Variants in NLRP14 observed in about 807,000 individuals in gnomAD.
NLRP14 encodes NACHT, LRR and PYD domains-containing protein 14.
In NLRP14, 105 loss-of-function variants were observed where a neutral mutation model predicts 94.7. That is an observed-to-expected ratio of 1.11 (90% confidence interval 0.95 to 1.30). The LOEUF (loss-of-function observed/expected upper bound fraction) is 1.30. Among genes scored for constraint, NLRP14 ranks in the 50% most tolerant of loss-of-function variants. The pLI is 0.00. For synonymous variants in NLRP14, 508 were observed against 459.9 expected, an observed-to-expected ratio of 1.10 and a Z score of -1.34; for missense variants, 1,362 against 1,254.1, an observed-to-expected ratio of 1.09 and a Z score of -1.30.
chr11:7,050,078 C>T (rs557905243), intron 6 of NLRP14, among the ~76,000 whole-genome samples: 13 of 151,426 alleles, frequency 8.6e-5, no homozygotes, highest in African/African-American at 3.2e-4. Context: ...TCTCCTAAAT[C>T]TGCTGGTGGT....
chr11:7,088,276 ATT>A, the NLRP14 span, among the ~76,000 whole-genome samples: 3 of 152,328 alleles, frequency 2.0e-5, no homozygotes, highest in South Asian at 6.2e-4. Flanking sequence ...ATGTTTGAAA[ATT>A]TACAAACATA....
rs986948873 is a variant in NLRP14, at chr11:7,047,469, A to T, written c.2123+637A>T. ...CAGGCATGTACCACCATGCCAGGCT[A>T]TTTTTTTTTAATTTTTTGTAGAGAT... On this transcript the variant is annotated intron_variant, in intron 5 of 11. Coordinates refer to ENST00000299481, the MANE Select transcript of NLRP14 (RefSeq NM_176822.4). Among the ~76,000 whole-genome samples, 39 of 150,688 alleles carry T rather than the reference A, an allele frequency of 2.6e-4. 1 individual carries two copies. The highest frequency in any genetic ancestry group is 8.8e-4 in the African/African-American group (36 of 41,074).
chr11:7,067,518 T>A (rs10769761), intron 10 of NLRP14, among the ~76,000 whole-genome samples: 2 of 151,904 alleles, frequency 1.3e-5, no homozygotes, highest in Non-Finnish European at 1.5e-5. Context: ...TTGGTGTATA[T>A]GAATGCTTGT....
chr11:7,062,848 C>G (rs901511037), intron 10 of NLRP14, among the ~76,000 whole-genome samples: 2 of 152,044 alleles, frequency 1.3e-5, no homozygotes, highest in Admixed American at 1.3e-4. Flanking sequence ...TAATTATCTT[C>G]TATCTGTAAA....
At chr11:7,082,794 T>G in the NLRP14 span, among the ~76,000 whole-genome samples, 1 of 152,192 alleles carries the variant, frequency 6.6e-6, no homozygotes, top group Non-Finnish European at 1.5e-5. Context: ...ATCAGCCCAC[T>G]ACCATTCACA....
At chr11:7,088,267 T>A in the NLRP14 span, among the ~76,000 whole-genome samples, 4 of 152,188 alleles carry the variant, frequency 2.6e-5, no homozygotes, top group Admixed American at 6.5e-5. Flanking sequence ...CAGGCACATA[T>A]GTTTGAAAAT....
rs1172456092 is a variant in NLRP14 at position 7,038,847 on chromosome 11, G to C, written c.261G>C (p.Leu87=). The part of the protein sequence containing the change: ...KIFGKMNLKD[L]CERAKEEINW... ...TTGGCAAGATGAACCTGAAGGATCTGTGTGAGAGAGCGAAAGAAGAGATCA... is the reference window on the plus strand; with the variant it reads ...TTGGCAAGATGAACCTGAAGGATCTCTGTGAGAGAGCGAAAGAAGAGATCA... Residue 87 remains leucine, a synonymous_variant, in exon 2 of 12, where the codon CTG becomes CTC. Transcript: ENST00000299481. 1 of 1,613,534 alleles carries C rather than the reference G, an allele frequency of 6.2e-7. No individual in the cohort carries two copies. The highest frequency in any genetic ancestry group is 1.3e-5 in the African/African-American group (1 of 74,928).
chr11:7,020,544 A>G lies in NLRP14; in HGVS notation c.-248A>G, dbSNP rs1851904038. On this transcript the variant is annotated 5_prime_UTR_variant, in exon 1 of 12. Transcript: ENST00000299481. ...GGCGAGGACGCACCAGCATTAATGG[A>G]ATAGGAGAACTCCCGAAGCTTTTAG... The G allele has an allele frequency of 6.6e-6, 1 of 152,186 alleles. No homozygotes were observed. The highest frequency in any genetic ancestry group is 1.5e-5 in the Non-Finnish European group (1 of 68,064). The allele number at this position is 152,186 out of a possible 1,614,324, so 9.4% of individuals were successfully genotyped here.
At chr11:7,031,224 A>C (rs1056280159) in intron 1 of NLRP14, among the ~76,000 whole-genome samples, 8 of 152,122 alleles carry the variant, frequency 5.3e-5, no homozygotes, top group Non-Finnish European at 1.2e-4. Context: ...GGTGAGACCG[A>C]GGTATGGAAT....
At chr11:7,049,889 G>C (rs1852417932) in intron 6 of NLRP14, 51 bp downstream of exon 6, 1 of 1,470,546 alleles carries the variant, frequency 6.8e-7, no homozygotes. Context: ...TGAGGCTTTT[G>C]TCTATCCAAG....
intron 10 of NLRP14, among the ~76,000 whole-genome samples, chr11:7,065,486 G>A (rs1467454315): frequency 6.6e-6 from 1 of 151,794 alleles, no homozygotes; most frequent in East Asian, 1.9e-4. Flanking sequence ...ACATCATTTG[G>A]GAATAATACA....
chr11:7,032,977 A>G (rs975970649), intron 1 of NLRP14, among the ~76,000 whole-genome samples: 2 of 152,006 alleles, frequency 1.3e-5, no homozygotes, highest in African/African-American at 4.8e-5. Flanking sequence ...CCTCCACCTC[A>G]TCTCCACAGA....
chr11:7,073,790 C>T (rs1041647158), downstream of NLRP14, among the ~76,000 whole-genome samples: 1 of 152,202 alleles, frequency 6.6e-6, no homozygotes, highest in African/African-American at 2.4e-5. Flanking sequence ...AAGGTTCTAT[C>T]CCTGTGCATT....
the NLRP14 span, among the ~76,000 whole-genome samples, chr11:7,076,672 A>G: frequency 6.6e-6 from 1 of 151,700 alleles, no homozygotes; most frequent in Non-Finnish European, 1.5e-5. Flanking sequence ...CTTTCCTACC[A>G]AAGCACCGTG....
At chr11:7,055,591 A>G (rs1852505347) in intron 6 of NLRP14, among the ~76,000 whole-genome samples, 1 of 151,836 alleles carries the variant, frequency 6.6e-6, no homozygotes, top group Non-Finnish European at 1.5e-5. Flanking sequence ...CAGTTTTCTG[A>G]TTCTTGTTTG....
the NLRP14 span, among the ~76,000 whole-genome samples, chr11:7,083,195 CTTG>C: frequency 2.0e-5 from 3 of 152,330 alleles, no homozygotes; most frequent in South Asian, 2.1e-4. Context: ...TGCTTGTCTC[CTTG>C]TTGTTGAGTG....
intron 8 of NLRP14, among the ~76,000 whole-genome samples, chr11:7,058,934 C>T (rs1183154264): frequency 6.6e-6 from 1 of 151,784 alleles, no homozygotes; most frequent in Non-Finnish European, 1.5e-5. Flanking sequence ...TTAATTTGGC[C>T]AAATATGGTT....
chr11:7,046,613 G>T, intron 4 of NLRP14, 55 bp from the exon 5 acceptor site: 1 of 1,512,596 alleles, frequency 6.6e-7, no homozygotes, highest in Admixed American at 1.7e-5. Flanking sequence ...CTGAGAGTTG[G>T]CTAGGCTGAA....
intron 7 of NLRP14, among the ~76,000 whole-genome samples, chr11:7,058,068 T>G (rs958933497): frequency 6.6e-6 from 1 of 151,962 alleles, no homozygotes; most frequent in African/African-American, 2.4e-5. Flanking sequence ...TTATTTTCAT[T>G]CTTTTCCAAG....
Sources: allele counts gnomAD v4.1 joint callset (sites outside exome capture counted in the v4.1 genomes callset), GRCh38; gene constraint gnomAD v4.1.1; transcripts MANE v1.5; gene names NCBI Gene and HGNC (gene_info 2026-07-23, HGNC 2026-07-21).